The following CLASP2 variants were observed in gnomAD, a reference collection of about 807,000 sequenced individuals.
CLASP2 encodes cytoplasmic linker associated protein 2.
A neutral mutation model predicts 194.4 loss-of-function variants in CLASP2; 47 were observed. That is an observed-to-expected ratio of 0.24 (90% CI 0.19 to 0.31). The LOEUF is 0.31. Ranked by LOEUF, CLASP2 falls within the 10% of genes least tolerant of loss-of-function variation. The pLI, the probability that CLASP2 is intolerant of heterozygous loss-of-function variation, is 1.00. For synonymous variants in CLASP2, 619 were observed against 633.5 expected (o/e 0.98, Z 0.34); for missense variants, 1,445 against 1,823.6 (o/e 0.79, Z 3.78).
chr3:33,539,897 G>A (rs1018616363), intron 32 of CLASP2, among the ~76,000 whole-genome samples: 3 of 147,092 alleles, frequency 2.0e-5, no homozygotes, highest in Admixed American at 1.4e-4. Flanking sequence ...AGAAGATAGA[G>A]GATTTTTAAT....
rs113694322 is a variant in CLASP2 at position 33,583,579 on chromosome 3, C to T, written c.2239+1171G>A. On this transcript the variant is annotated intron_variant, in intron 22 of 38. Transcript: ENST00000682230. ...TTATGGAACAAGTACATAAGACTTG[C>T]TTGTGGATACAGAAGAAAATGTATG... 6.6e-5 allele frequency among the ~76,000 whole-genome samples: 10 copies of T among 152,208 alleles called. 1 individual carries two copies. The highest frequency in any genetic ancestry group is 1.9e-4 in the African/African-American group (8 of 41,530).
intron 23 of CLASP2, chr3:33,577,298 T>C: frequency 6.4e-7 from 1 of 1,557,780 alleles, no homozygotes; most frequent in Non-Finnish European, 8.7e-7. Context: ...CCTCATCTAT[T>C]ACCACAGAAA....
At chr3:33,708,394 T>C (rs1164684097) in intron 1 of CLASP2, among the ~76,000 whole-genome samples, 1 of 151,080 alleles carries the variant, frequency 6.6e-6, no homozygotes, top group Non-Finnish European at 1.5e-5. Flanking sequence ...ATCCATGTTG[T>C]CACAAATGGC....
intron 1 of CLASP2, among the ~76,000 whole-genome samples, chr3:33,702,750 G>A (rs995863219): frequency 6.6e-6 from 1 of 151,964 alleles, no homozygotes; most frequent in Non-Finnish European, 1.5e-5. Context: ...AATAGTAAAA[G>A]GACAAATAAC....
At chr3:33,711,938 T>A (rs1046222113) in intron 1 of CLASP2, among the ~76,000 whole-genome samples, 2 of 152,130 alleles carry the variant, frequency 1.3e-5, no homozygotes, top group African/African-American at 4.8e-5. Flanking sequence ...GTGTCCACTC[T>A]GAAAAACAGT....
At chr3:33,669,696 G>C (rs1192494124) in intron 6 of CLASP2, among the ~76,000 whole-genome samples, 1 of 151,724 alleles carries the variant, frequency 6.6e-6, no homozygotes, top group Admixed American at 6.6e-5. Context: ...TCAGAAAAAT[G>C]CATGTTACAA....
chr3:33,655,062 A>C (rs1037604239), intron 7 of CLASP2, among the ~76,000 whole-genome samples: 7 of 152,198 alleles, frequency 4.6e-5, no homozygotes, highest in Non-Finnish European at 1.0e-4. Flanking sequence ...CATAACAGCA[A>C]ACTAAATAAT....
At chr3:33,507,561 A>G (rs560260101) in intron 37 of CLASP2, among the ~76,000 whole-genome samples, 103 of 152,212 alleles carry the variant, frequency 6.8e-4, no homozygotes, top group Non-Finnish European at 1.1e-3. Flanking sequence ...GGCTCACTGC[A>G]GTCTCTACCT....
intron 10 of CLASP2, among the ~76,000 whole-genome samples, chr3:33,624,112 T>C (rs540360848): frequency 4.6e-5 from 7 of 152,266 alleles, no homozygotes; most frequent in Admixed American, 2.6e-4. Context: ...TAAAACTACA[T>C]TGATAAAAAG....
chr3:33,657,658 G>A (rs182361345), intron 7 of CLASP2, among the ~76,000 whole-genome samples: 79 of 151,390 alleles, frequency 5.2e-4, no homozygotes, highest in African/African-American at 1.8e-3. Flanking sequence ...TGTTAATCCT[G>A]CTTTTGTCTT....
chr3:33,707,073 T>C (rs180970120), intron 1 of CLASP2, among the ~76,000 whole-genome samples: 47 of 152,294 alleles, frequency 3.1e-4, no homozygotes, highest in Middle Eastern at 3.4e-3. Flanking sequence ...TAGCACCACA[T>C]TGCAGTTTCC....
chr3:33,644,141 TAAAC>T (rs756323073), intron 8 of CLASP2, among the ~76,000 whole-genome samples: 10 of 152,084 alleles, frequency 6.6e-5, no homozygotes, highest in East Asian at 3.8e-4. Context: ...AATTTAAAGA[TAAAC>T]AATATGCTAG....
intron 1 of CLASP2, among the ~76,000 whole-genome samples, chr3:33,704,376 C>T (rs1176011691): frequency 2.0e-5 from 3 of 151,996 alleles, no homozygotes; most frequent in Non-Finnish European, 4.4e-5. Flanking sequence ...TTACTGTGAA[C>T]CTAAAACTGC....
At position 33,588,073 on chromosome 3, in the gene CLASP2, G is replaced by A. The variant is rs759232414; in HGVS notation, c.2069-3153C>T. Reference sequence around the variant, plus strand: ...CTGAATTTATTAAAATTATGCAAGCGCACTCTACAAATTTAAATTCAGTCC... The same window carrying A: ...CTGAATTTATTAAAATTATGCAAGCACACTCTACAAATTTAAATTCAGTCC... On this transcript the variant is annotated intron_variant, in intron 21 of 38. Transcript: ENST00000682230. Among the ~76,000 whole-genome samples the A allele has an allele frequency of 3.9e-5, 6 of 151,958 alleles. No individual in the cohort carries two copies. In the South Asian group the frequency reaches 8.3e-4, roughly 21 times the overall value.
At chr3:33,636,225 C>G (rs2154297914) in intron 8 of CLASP2, among the ~76,000 whole-genome samples, 1 of 152,244 alleles carries the variant, frequency 6.6e-6, no homozygotes, top group Non-Finnish European at 1.5e-5. Context: ...GTGCATTTCA[C>G]TATACCAACA....
intron 2 of CLASP2, among the ~76,000 whole-genome samples, chr3:33,695,677 T>C (rs2091819295): frequency 6.6e-6 from 1 of 152,096 alleles, no homozygotes; most frequent in Admixed American, 6.6e-5. Flanking sequence ...TGGTGGTTCA[T>C]GCCTATAATG....
At chr3:33,657,381 C>G (rs1012888002) in intron 7 of CLASP2, among the ~76,000 whole-genome samples, 2 of 151,976 alleles carry the variant, frequency 1.3e-5, no homozygotes, top group African/African-American at 2.4e-5. Flanking sequence ...AAATGTTACC[C>G]TCTGATCTTT....
At chr3:33,714,392 G>C (rs1223263519) in intron 1 of CLASP2, among the ~76,000 whole-genome samples, 4 of 152,094 alleles carry the variant, frequency 2.6e-5, no homozygotes, top group South Asian at 4.1e-4. Context: ...ATCTCAACTT[G>C]TAACAGTCTT....
chr3:33,657,858 T>G (rs952204921), intron 7 of CLASP2, among the ~76,000 whole-genome samples: 1 of 152,104 alleles, frequency 6.6e-6, no homozygotes, highest in Non-Finnish European at 1.5e-5. Context: ...TTGTATCCTA[T>G]CTCTCATAGC....
Sources: allele counts gnomAD v4.1 joint callset (sites outside exome capture counted in the v4.1 genomes callset), GRCh38; gene constraint gnomAD v4.1.1; transcripts MANE v1.5; gene names NCBI Gene and HGNC (gene_info 2026-07-23, HGNC 2026-07-21).